The following THSD7B variants were observed in gnomAD, a reference collection of about 807,000 sequenced individuals.
THSD7B encodes thrombospondin type 1 domain containing 7B.
THSD7B carries 138 observed loss-of-function variants against 213.6 expected under a neutral mutation model. The ratio of observed to expected loss-of-function variants is 0.65; its 90% CI spans 0.56 to 0.74. THSD7B has a LOEUF of 0.74. Among genes scored for constraint, THSD7B ranks in the 30% least tolerant of loss-of-function variants. The probability of loss-of-function intolerance (pLI) is 0.00; values close to 1 mark genes in which losing one functional copy is unlikely to be tolerated. For missense variants in THSD7B, 1,931 were observed against 1,991.5 expected, an observed-to-expected ratio of 0.97 and a Z score of 0.58; for synonymous variants, 742 against 687.0, an observed-to-expected ratio of 1.08 and a Z score of -1.25.
At chr2:137,144,590 G>T (rs79644343) in intron 5 of THSD7B, among the ~76,000 whole-genome samples, 91 of 151,946 alleles carry the variant, frequency 6.0e-4, no homozygotes, top group African/African-American at 2.1e-3. Flanking sequence ...TAGGTAGAAT[G>T]CTTATTTCAA....
chr2:137,275,545 T>C (rs945398615), intron 11 of THSD7B, among the ~76,000 whole-genome samples: 1 of 151,868 alleles, frequency 6.6e-6, no homozygotes, highest in African/African-American at 2.4e-5. Flanking sequence ...ATTGTTTTTT[T>C]TTTTTTGGAA....
At chr2:136,829,577 T>G (rs1332530977) in intron 1 of THSD7B, among the ~76,000 whole-genome samples, 4 of 152,172 alleles carry the variant, frequency 2.6e-5, no homozygotes. Context: ...TGGTCATAAC[T>G]TGGGTCCCCT....
At chr2:137,084,124 G>A (rs766860733) in intron 3 of THSD7B, among the ~76,000 whole-genome samples, 1 of 151,860 alleles carries the variant, frequency 6.6e-6, no homozygotes, top group Non-Finnish European at 1.5e-5. Context: ...CTAGGAATAT[G>A]TTTATTTATA....
At chr2:137,258,249 T>C (rs529650751) in intron 10 of THSD7B, among the ~76,000 whole-genome samples, 1 of 152,316 alleles carries the variant, frequency 6.6e-6, no homozygotes, top group African/African-American at 2.4e-5. Context: ...ATCCTAAAGA[T>C]ATAAAGATAT....
chr2:137,460,393 C>T (rs572559078), intron 15 of THSD7B, among the ~76,000 whole-genome samples: 7 of 152,064 alleles, frequency 4.6e-5, no homozygotes, highest in Non-Finnish European at 1.0e-4. Context: ...TTTCCTTGGT[C>T]TCTAACGTAT....
At chr2:137,290,956 T>G (rs6730528) in intron 12 of THSD7B, among the ~76,000 whole-genome samples, 69,357 of 151,938 alleles carry the variant, frequency 0.46, 15,941 homozygotes, top group South Asian at 0.57. Flanking sequence ...ATCACACTTA[T>G]GAAGCCAAGG....
intron 2 of THSD7B, among the ~76,000 whole-genome samples, chr2:136,942,817 C>G: frequency 6.6e-6 from 1 of 152,198 alleles, no homozygotes; most frequent in East Asian, 1.9e-4. Context: ...TTGACTTCCT[C>G]TTTTCCTAAT....
intron 12 of THSD7B, among the ~76,000 whole-genome samples, chr2:137,311,343 G>A (rs1683901225): frequency 6.6e-6 from 1 of 151,984 alleles, no homozygotes; most frequent in East Asian, 1.9e-4. Context: ...TGTGATTTTT[G>A]TACATTGATT....
At chr2:137,299,513 T>C (rs1683548587) in intron 12 of THSD7B, among the ~76,000 whole-genome samples, 1 of 152,124 alleles carries the variant, frequency 6.6e-6, no homozygotes, top group Non-Finnish European at 1.5e-5. Flanking sequence ...GGTTTGGCTG[T>C]GCCCCCATCC....
chr2:137,403,744 A>G (rs964988189), intron 12 of THSD7B, among the ~76,000 whole-genome samples: 2 of 152,354 alleles, frequency 1.3e-5, no homozygotes, highest in African/African-American at 2.4e-5. Flanking sequence ...ATCCATGGTT[A>G]GGAATTAGAA....
At chr2:136,902,038 G>A (rs901074027) in intron 2 of THSD7B, among the ~76,000 whole-genome samples, 2 of 152,176 alleles carry the variant, frequency 1.3e-5, no homozygotes, top group African/African-American at 4.8e-5. Context: ...ACTGATATTC[G>A]ATACCCTGGG....
At chr2:136,924,148 T>G (rs1294071878) in intron 2 of THSD7B, among the ~76,000 whole-genome samples, 1 of 152,170 alleles carries the variant, frequency 6.6e-6, no homozygotes, top group Non-Finnish European at 1.5e-5. Context: ...CCCTGCTCTG[T>G]CACCAAGGGT....
intron 2 of THSD7B, among the ~76,000 whole-genome samples, chr2:136,920,351 TTTCCAC>T (rs1684413384): frequency 6.6e-6 from 1 of 152,198 alleles, no homozygotes; most frequent in Admixed American, 6.5e-5. Flanking sequence ...CGGTAGTTCC[TTTCCAC>T]AGGCAAGTCG....
At chr2:136,833,584 A>G (rs12996434) in intron 1 of THSD7B, among the ~76,000 whole-genome samples, 21,042 of 152,002 alleles carry the variant, frequency 0.14, 2,177 homozygotes, top group Non-Finnish European at 0.22. Context: ...TTTGTAATGA[A>G]TATAGTTAGA....
chr2:137,013,176 C>T (rs1021391393), intron 2 of THSD7B, among the ~76,000 whole-genome samples: 3 of 152,016 alleles, frequency 2.0e-5, no homozygotes, highest in Non-Finnish European at 2.9e-5. Flanking sequence ...CACTTCTGGC[C>T]AAGATTGAGT....
rs116528093 is a variant in THSD7B at position 137,614,331 on chromosome 2, G to A, written c.3424-1844G>A. ...TTTAGATGCGGAACTAAGGTTTAGA[G>A]TATATAAGTGAATTGTTCAAGGTTA... is the stretch of plus-strand genomic sequence containing the variant. On this transcript the variant is annotated intron_variant, in intron 17 of 27. Coordinates refer to ENST00000409968, the MANE Select transcript of THSD7B (RefSeq NM_001316349.2). 3.9e-3 allele frequency among the ~76,000 whole-genome samples: 595 copies of A among 152,208 alleles called. 5 individuals are homozygous for A. The highest frequency in any genetic ancestry group is 0.014 in the African/African-American group (572 of 41,550).
At chr2:137,018,610 C>T (rs1686386429) in intron 2 of THSD7B, among the ~76,000 whole-genome samples, 1 of 152,062 alleles carries the variant, frequency 6.6e-6, no homozygotes, top group South Asian at 2.1e-4. Context: ...ACTTGCAGGG[C>T]ATTCAATTTG....
At chr2:137,421,224 A>G (rs1334698886) in intron 14 of THSD7B, among the ~76,000 whole-genome samples, 3 of 152,086 alleles carry the variant, frequency 2.0e-5, no homozygotes, top group Admixed American at 6.5e-5. Context: ...TCCCCCACAC[A>G]CCCAGCAGCA....
chr2:137,546,137 C>T (rs1322009839), intron 15 of THSD7B, among the ~76,000 whole-genome samples: 1 of 149,388 alleles, frequency 6.7e-6, no homozygotes, highest in Non-Finnish European at 1.5e-5. Flanking sequence ...GAGATTTTTA[C>T]TCTCCAGAAC....
Sources: gnomAD v4.1 joint callset for allele counts (sites outside exome capture counted in the v4.1 genomes callset) on GRCh38, gnomAD v4.1.1 for gene constraint, MANE v1.5 for transcripts, NCBI Gene and HGNC (gene_info 2026-07-23, HGNC 2026-07-21) for gene names.